The following ZNF708 variants were observed in gnomAD, a reference collection of about 807,000 sequenced individuals.
ZNF708 encodes zinc finger protein 708.
A neutral mutation model predicts 47.0 loss-of-function variants in ZNF708; 44 were observed. The ratio of observed to expected loss-of-function variants is 0.94; its 90% CI spans 0.74 to 1.20. The LOEUF (loss-of-function observed/expected upper bound fraction) is 1.20, where lower values mean the gene tolerates loss of function less well. Among genes scored for constraint, ZNF708 ranks in the 50% most tolerant of loss-of-function variants. ZNF708 has a pLI of 0.00. For synonymous variants in ZNF708, 184 were observed against 218.5 expected (o/e 0.84, Z 1.39); for missense variants, 557 against 656.0 (o/e 0.85, Z 1.65).
In ZNF708 at chr19:21,306,939, C is replaced by CAA. The variant is rs1304036198; in HGVS notation, c.226+2306_226+2307insTT. 5.4e-5 allele frequency: 8 copies of CAA among 147,776 alleles called. No homozygotes were observed. The South Asian group carries it at 8.4e-4, about 16-fold the overall frequency. The allele number at this position is 147,776 out of a possible 1,614,324, so 9.2% of individuals were successfully genotyped here. On this transcript the variant is annotated intron_variant, in intron 3 of 3. Transcript: ENST00000356929. ...AGTCTGGGCAATAACAGCAAAACTC[C>CAA]ATCTCAAAAGAAAAATAACATAACA... is the stretch of plus-strand genomic sequence containing the variant.
intron 3 of ZNF708, among the ~76,000 whole-genome samples, chr19:21,300,860 C>T (rs900957971): frequency 2.6e-5 from 4 of 151,824 alleles, no homozygotes; most frequent in Non-Finnish European, 5.9e-5. Flanking sequence ...CAAGGTTTCA[C>T]TGTGTTAGCC....
At chr19:21,301,856 TA>T (rs1345261004) in intron 3 of ZNF708, among the ~76,000 whole-genome samples, 1 of 151,984 alleles carries the variant, frequency 6.6e-6, no homozygotes, top group African/African-American at 2.4e-5. Context: ...AAAATATTTC[TA>T]ACCAATAATA....
rs1291840732 is a variant in ZNF708, at chr19:21,294,709, C to T, written c.257G>A (p.Arg86Lys). The T allele has an allele frequency of 1.0e-5, 16 of 1,600,144 alleles. No homozygotes were observed. Among genetic ancestry groups the T allele is most frequent in the Non-Finnish European group, 1.4e-5 (16 of 1,173,772 alleles). Reference sequence around the variant, plus strand: ...AGAATTTTTTATATATTGCTCTGGCCTAAGGTCTTTGGCAAAATGAGAACA... The same window carrying T: ...AGAATTTTTTATATATTGCTCTGGCTTAAGGTCTTTGGCAAAATGAGAACA... ...AMCSHFAKDL[R>K]PEQYIKNSFQ... Residue 86 changes from arginine (R) to lysine (K), a missense_variant, in exon 4 of 4, where the codon AGG (arginine) becomes AAG (lysine). Coordinates refer to ENST00000356929, the MANE Select transcript of ZNF708 (RefSeq NM_021269.3).
Position 21,295,111 on chromosome 19 carries a change from C to CT in ZNF708, c.227-373_227-372insA, listed in dbSNP as rs1413706348. ...AGACTAAAAAAAATAGTGTCACATA[C>CT]ATCTTTATTTCTGGCTCTTAGGGGC... On this transcript the variant is annotated intron_variant, in intron 3 of 3. Coordinates refer to ENST00000356929, the MANE Select transcript of ZNF708 (RefSeq NM_021269.3). Among the ~76,000 whole-genome samples the CT allele has an allele frequency of 2.4e-4, 37 of 152,202 alleles. 1 individual carries two copies. The highest frequency in any genetic ancestry group is 9.8e-4 in the Admixed American group (15 of 15,286).
rs767805800 is a variant in ZNF708 at position 21,329,253 on chromosome 19, C to G, written c.-41G>C. 3 of 1,609,524 alleles carry G rather than the reference C, an allele frequency of 1.9e-6. No individual in the cohort carries two copies. In the African/African-American group the frequency reaches 4.0e-5, roughly 22 times the overall value. On this transcript the variant is annotated 5_prime_UTR_variant, in exon 1 of 4. Transcript: ENST00000356929. ...GGGTCCTGGAGTCTTAGCTGTGGAT[C>G]TCCCAATACCTGCAGGTCACAGAGC...
chr19:21,291,850 G>C lies in ZNF708; in HGVS notation c.*1424C>G, dbSNP rs929782996. The C allele has an allele frequency of 6.6e-6, 1 of 152,076 alleles. No homozygotes were observed. 9.4% of individuals were successfully genotyped at this position (152,076 alleles called of 1,614,324 possible). A position where few individuals can be genotyped will look rare whatever the true frequency, so the allele number is the denominator to read the frequency against. On this transcript the variant is annotated 3_prime_UTR_variant, in exon 4 of 4. Transcript: ENST00000356929. The stretch of plus-strand genomic sequence containing the variant: ...ACTGCACTCCAGCCTGGACGACAGA[G>C]AGAGACTCTGTCTCAAGGAAAACAA...
At position 21,293,305 on chromosome 19, in the gene ZNF708, T is replaced by A; in HGVS notation, c.1661A>T (p.His554Leu). ...ACATTTGTAGGGTTTCTCTTTGGTA[T>A]GAATTCTCTTATGTTTAGTAAGGTT... ...SPNLTKHKRI[H>L]TKEKPYKCK is the part of the protein sequence containing the mutation. Residue 554 changes from histidine to leucine, a missense_variant, in exon 4 of 4, where the codon CAT (histidine) becomes CTT (leucine). Physicochemically the swap from His to Leu is moderately conservative, Grantham distance 99 (BLOSUM62 -3). Coordinates refer to ENST00000356929, the MANE Select transcript of ZNF708 (RefSeq NM_021269.3). 6.2e-7 allele frequency: 1 copy of A among 1,610,440 alleles called. No homozygotes were observed.
intron 1 of ZNF708, among the ~76,000 whole-genome samples, chr19:21,323,439 C>T (rs1460432611): frequency 2.0e-5 from 3 of 152,164 alleles, no homozygotes. Flanking sequence ...ATTCTCTGAT[C>T]TAAAATCTGA....
chr19:21,327,717 G>A (rs1599695616), intron 1 of ZNF708, among the ~76,000 whole-genome samples: 1 of 151,886 alleles, frequency 6.6e-6, no homozygotes, highest in African/African-American at 2.4e-5. Flanking sequence ...TTGTCTTTTG[G>A]GATACTTTTT....
chr19:21,323,416 T>G (rs1351104257), intron 1 of ZNF708, among the ~76,000 whole-genome samples: 1 of 152,230 alleles, frequency 6.6e-6, no homozygotes, highest in African/African-American at 2.4e-5. Flanking sequence ...ACAGGCTGAC[T>G]TCAGTGTGAA....
chr19:21,311,398 C>T (rs1432241346), intron 1 of ZNF708, among the ~76,000 whole-genome samples: 10 of 149,350 alleles, frequency 6.7e-5, no homozygotes, highest in Non-Finnish European at 1.3e-4. Context: ...TTTTTTTAAC[C>T]GAAAGAATTA....
intron 1 of ZNF708, among the ~76,000 whole-genome samples, chr19:21,315,264 G>C (rs914661801): frequency 8.5e-5 from 13 of 152,316 alleles, no homozygotes; most frequent in Admixed American, 6.5e-4. Context: ...CAGTCTCAAA[G>C]GGAGCTGTAG....
Position 21,294,820 on chromosome 19 carries a change from T to C in ZNF708, c.227-81A>G, listed in dbSNP as rs549475310. 1.8e-4 allele frequency: 240 copies of C among 1,340,528 alleles called. No individual in the cohort carries two copies. The African/African-American group carries it at 3.3e-3, about 18-fold the overall frequency. 83.0% of individuals were successfully genotyped at this position (1,340,528 alleles called of 1,614,324 possible). ...ACAAATCTAACTTATACCAACTATA[T>C]AAACAAGATGACATAGCAAAATACT... On this transcript the variant is annotated intron_variant, in intron 3 of 3. Transcript: ENST00000356929.
At chr19:21,314,696 G>GT (rs1026454826) in intron 1 of ZNF708, among the ~76,000 whole-genome samples, 1 of 152,074 alleles carries the variant, frequency 6.6e-6, no homozygotes, top group African/African-American at 2.4e-5. Flanking sequence ...TCTCCTCCTT[G>GT]TTTTTACCCA....
chr19:21,316,316 G>A (rs1352354586), intron 1 of ZNF708, among the ~76,000 whole-genome samples: 2 of 151,552 alleles, frequency 1.3e-5, no homozygotes, highest in East Asian at 2.0e-4. Flanking sequence ...AGTAGAGACA[G>A]GGTTTCTCCA....
chr19:21,313,701 T>A (rs1599683287), intron 1 of ZNF708, among the ~76,000 whole-genome samples: 1 of 146,312 alleles, frequency 6.8e-6, no homozygotes, highest in Non-Finnish European at 1.5e-5. Flanking sequence ...GAGGTTGCAG[T>A]GAGCCAAGAT....
chr19:21,322,531 G>C (rs1256493320), intron 1 of ZNF708, among the ~76,000 whole-genome samples: 1 of 152,218 alleles, frequency 6.6e-6, no homozygotes, highest in East Asian at 1.9e-4. Flanking sequence ...TTGAACTCCT[G>C]AGCTCAGGCA....
In ZNF708 at chr19:21,292,464, T is replaced by C. The variant is rs1408193383; in HGVS notation, c.*810A>G. On this transcript the variant is annotated 3_prime_UTR_variant, in exon 4 of 4. Transcript: ENST00000356929. ...CTCTGGTGTTGTCTAAGTTGTAGTT[T>C]TGGAAAACTTTTTTTTCAAATTTAT... 6.6e-6 allele frequency: 1 copy of C among 152,258 alleles called. No individual in the cohort carries two copies. The highest frequency in any genetic ancestry group is 1.9e-4 in the East Asian group (1 of 5,202). 9.4% of individuals were successfully genotyped at this position (152,258 alleles called of 1,614,324 possible). A position where few individuals can be genotyped will look rare whatever the true frequency, so the allele number is the denominator to read the frequency against.
At chr19:21,309,431 G>A in intron 2 of ZNF708, 90 bp from the exon 3 acceptor site, 1 of 1,230,200 alleles carries the variant, frequency 8.1e-7, no homozygotes, top group Admixed American at 2.5e-5. Context: ...ATGTAGGCCA[G>A]GCACAGTGGC....
Sources: allele counts gnomAD v4.1 joint callset (sites outside exome capture counted in the v4.1 genomes callset), GRCh38; gene constraint gnomAD v4.1.1; transcripts MANE v1.5; gene names NCBI Gene and HGNC (gene_info 2026-07-23, HGNC 2026-07-21).